RAD51B: variants seen among roughly 807,000 people sequenced by gnomAD.
RAD51B encodes RAD51 paralog B.
In RAD51B, 38 loss-of-function variants were observed where a neutral mutation model predicts 42.2. That is an observed-to-expected ratio of 0.90 (90% CI 0.70 to 1.18). The LOEUF (loss-of-function observed/expected upper bound fraction) is 1.18, where lower values mean the gene tolerates loss of function less well. Among genes scored for constraint, RAD51B ranks in the 50% most tolerant of loss-of-function variants. The pLI, the probability that RAD51B is intolerant of heterozygous loss-of-function variation, is 0.00. For missense variants in RAD51B, 373 were observed against 400.7 expected, an observed-to-expected ratio of 0.93 and a Z score of 0.59; for synonymous variants, 154 against 145.2, an observed-to-expected ratio of 1.06 and a Z score of -0.43.
At chr14:68,227,250 T>C (rs1386308213) in intron 7 of RAD51B, among the ~76,000 whole-genome samples, 1 of 152,148 alleles carries the variant, frequency 6.6e-6, no homozygotes, top group Non-Finnish European at 1.5e-5. Context: ...CTTCCCTTTC[T>C]CTCCCTCCAG....
intron 7 of RAD51B, among the ~76,000 whole-genome samples, chr14:68,001,601 A>G (rs1163015978): frequency 6.6e-6 from 1 of 152,178 alleles, no homozygotes; most frequent in African/African-American, 2.4e-5. Flanking sequence ...TTGCATAGGC[A>G]AATGTATGCC....
At chr14:68,441,541 C>CAAAAAAAAAAAAAAAAAAAA (rs67477807) in intron 9 of RAD51B, among the ~76,000 whole-genome samples, 2 of 68,036 alleles carry the variant, frequency 2.9e-5, no homozygotes, top group Admixed American at 2.0e-4. Context: ...GACTCCATCT[C>CAAAAAAAAAAAAAAAAAAAA]AAAAAAAAAA....
intron 10 of RAD51B, among the ~76,000 whole-genome samples, chr14:68,518,554 G>GCCCCC (rs11341781): frequency 7.3e-6 from 1 of 137,360 alleles, no homozygotes; most frequent in African/African-American, 2.7e-5. Flanking sequence ...GGTCATATGA[G>GCCCCC]CCCCCCCCCC....
chr14:68,664,480 C>T (rs572913723), intron 11 of RAD51B, among the ~76,000 whole-genome samples: 13 of 152,152 alleles, frequency 8.5e-5, no homozygotes, highest in South Asian at 2.1e-4. Context: ...TCTGGTCAGT[C>T]GCATTTCACC....
At chr14:68,374,109 C>A (rs1238490607) in intron 8 of RAD51B, among the ~76,000 whole-genome samples, 1 of 152,130 alleles carries the variant, frequency 6.6e-6, no homozygotes, top group African/African-American at 2.4e-5. Flanking sequence ...AAGTAAATTG[C>A]CCAATATCAC....
At chr14:67,921,879 G>C (rs908329706) in intron 7 of RAD51B, among the ~76,000 whole-genome samples, 1 of 152,112 alleles carries the variant, frequency 6.6e-6, no homozygotes. Context: ...CCCTGTTTGA[G>C]TGTTTATGGG....
intron 7 of RAD51B, among the ~76,000 whole-genome samples, chr14:68,098,607 G>C (rs1334513621): frequency 6.6e-6 from 1 of 152,188 alleles, no homozygotes; most frequent in African/African-American, 2.4e-5. Context: ...AAACCCATCA[G>C]ATCTCGTGAG....
At chr14:68,549,736 A>G (rs1405595939) in intron 10 of RAD51B, among the ~76,000 whole-genome samples, 1 of 152,116 alleles carries the variant, frequency 6.6e-6, no homozygotes, top group Non-Finnish European at 1.5e-5. Context: ...TTTTTATAGA[A>G]AGATCCAGAT....
At chr14:67,957,922 C>CAG (rs1040388180) in intron 7 of RAD51B, among the ~76,000 whole-genome samples, 4 of 152,022 alleles carry the variant, frequency 2.6e-5, no homozygotes, top group African/African-American at 9.7e-5. Flanking sequence ...CATGAGAAGT[C>CAG]AGAGAGAGAG....
chr14:68,327,897 G>T (rs556693301), intron 8 of RAD51B, among the ~76,000 whole-genome samples: 3 of 152,082 alleles, frequency 2.0e-5, no homozygotes, highest in Non-Finnish European at 4.4e-5. Context: ...ATAGGATTTT[G>T]TCTTCTAGTT....
At chr14:68,179,375 TA>T (rs1566708187) in intron 7 of RAD51B, among the ~76,000 whole-genome samples, 1 of 152,204 alleles carries the variant, frequency 6.6e-6, no homozygotes, top group Non-Finnish European at 1.5e-5. Flanking sequence ...ATTTACCTTT[TA>T]TTTTTTACCT....
At position 67,940,023 on chromosome 14, in the gene RAD51B, CATATATATATATATATATAT is replaced by C. The variant is rs764722617; in HGVS notation, c.756+52832_756+52851del. Among the ~76,000 whole-genome samples, 21 of 34,338 alleles carry C rather than the reference CATATATATATATATATATAT, an allele frequency of 6.1e-4. 1 individual carries two copies. The South Asian group carries it at 9.4e-3, about 15-fold the overall frequency. The allele number at this position is 34,338 out of a possible 152,430, so 22.5% of individuals were successfully genotyped here. ...ATAAAACTGTAACATTTGATAGATG[CATATATATATATATATATAT>C]ATATATATATATTTTTTTTTTTTTT... On this transcript the variant is annotated intron_variant, in intron 7 of 10. Coordinates refer to ENST00000471583, the MANE Select transcript of RAD51B (RefSeq NM_133510.4).
rs907590461 is a variant in RAD51B at position 68,504,886 on chromosome 14, G to A, written c.1036+36636G>A. 2.6e-5 allele frequency among the ~76,000 whole-genome samples: 4 copies of A among 151,998 alleles called. No individual in the cohort carries two copies. In the East Asian group the frequency reaches 7.7e-4, roughly 29 times the overall value. ...GTCTCATTTCTTGTTCTTAATTTCT[G>A]TACAGTTATTCCTAATTTGTGAACT... On this transcript the variant is annotated intron_variant, in intron 10 of 10. Transcript: ENST00000487270.
At chr14:68,350,881 G>A (rs190225375) in intron 8 of RAD51B, among the ~76,000 whole-genome samples, 1 of 152,284 alleles carries the variant, frequency 6.6e-6, no homozygotes, top group African/African-American at 2.4e-5. Context: ...CAGTGTAGCA[G>A]AACTACCAGT....
At chr14:67,882,931 G>A (rs1407950539) in intron 5 of RAD51B, among the ~76,000 whole-genome samples, 2 of 152,170 alleles carry the variant, frequency 1.3e-5, no homozygotes, top group Non-Finnish European at 2.9e-5. Flanking sequence ...TTTTAGTAGA[G>A]ACGGGGTTTT....
chr14:68,593,314 A>G (rs1890840353), intron 10 of RAD51B, among the ~76,000 whole-genome samples: 1 of 152,346 alleles, frequency 6.6e-6, no homozygotes. Flanking sequence ...AAATGAGTTA[A>G]TATGTGAGAG....
At chr14:68,370,880 A>G (rs907792740) in intron 8 of RAD51B, among the ~76,000 whole-genome samples, 1 of 149,326 alleles carries the variant, frequency 6.7e-6, no homozygotes, top group Admixed American at 6.7e-5. Flanking sequence ...TAAAAATACA[A>G]AAAAAAATTA....
intron 7 of RAD51B, among the ~76,000 whole-genome samples, chr14:67,890,205 G>T (rs1463939714): frequency 6.6e-6 from 1 of 152,098 alleles, no homozygotes; most frequent in Non-Finnish European, 1.5e-5. Context: ...TTATGTATCA[G>T]ATTAAAATAA....
chr14:68,197,708 A>G (rs2079400998), intron 7 of RAD51B, among the ~76,000 whole-genome samples: 1 of 152,118 alleles, frequency 6.6e-6, no homozygotes, highest in Admixed American at 6.5e-5. Context: ...CTTGCACTGT[A>G]ATTTTAATTT....
Sources: gnomAD v4.1 joint callset for allele counts (sites outside exome capture counted in the v4.1 genomes callset) on GRCh38, gnomAD v4.1.1 for gene constraint, MANE v1.5 for transcripts, NCBI Gene and HGNC (gene_info 2026-07-23, HGNC 2026-07-21) for gene names.